Variants in SLC27A1 observed in about 807,000 individuals in gnomAD.
The protein encoded by SLC27A1 is solute carrier family 27 member 1.
Under a neutral mutation model 62.2 loss-of-function variants are expected in SLC27A1, and 61 were observed. The observed-to-expected ratio is 0.98, with a 90% CI of 0.80 to 1.21. SLC27A1 has a LOEUF of 1.21. SLC27A1 is among the 50% of genes most tolerant of loss of function. The pLI, the probability that SLC27A1 is intolerant of heterozygous loss-of-function variation, is 0.00. For missense variants in SLC27A1, 903 were observed against 932.1 expected, an observed-to-expected ratio of 0.97 and a Z score of 0.41; for synonymous variants, 435 against 408.6, an observed-to-expected ratio of 1.06 and a Z score of -0.78.
At chr19:17,481,750 A>G (rs2075180800) in intron 1 of SLC27A1, among the ~76,000 whole-genome samples, 1 of 151,802 alleles carries the variant, frequency 6.6e-6, no homozygotes, top group Non-Finnish European at 1.5e-5. Flanking sequence ...CAATCCTCCC[A>G]CCTCAGCCTT....
At chr19:17,497,218 C>G (rs778030425) in intron 6 of SLC27A1, 37 bp from the exon 7 acceptor site, 1 of 1,549,114 alleles carries the variant, frequency 6.5e-7, no homozygotes, top group South Asian at 1.2e-5. Context: ...CCACCGCCTG[C>G]CGGTCCCATC....
chr19:17,486,805 G>T lies in SLC27A1; in HGVS notation c.410G>T (p.Gly137Val), dbSNP rs1346054036. 2 of 1,597,574 alleles carry T rather than the reference G, an allele frequency of 1.3e-6. No homozygotes were observed. Among genetic ancestry groups the T allele is most frequent in the Non-Finnish European group, 8.5e-7 (1 of 1,173,860 alleles). ...PGDVVAIFLE[G>V]RPEFVGLWLG... ...GACGTGGTGGCCATCTTCCTGGAGGGCCGGCCGGAGTTCGTGGGGCTGTGG... is the reference window on the plus strand; with the variant it reads ...GACGTGGTGGCCATCTTCCTGGAGGTCCGGCCGGAGTTCGTGGGGCTGTGG... Residue 137 changes from glycine to valine, a missense_variant, in exon 2 of 12, where the codon GGC becomes GTC. Coordinates refer to ENST00000252595, the MANE Select transcript of SLC27A1 (RefSeq NM_198580.3). This position sits in a 1 kb window ranked among gnomAD's most constrained non-coding sequence, Gnocchi z 6.6.
chr19:17,489,498 T>TG (rs1555745367), intron 6 of SLC27A1, among the ~76,000 whole-genome samples: 1 of 9,844 alleles, frequency 1.0e-4, no homozygotes, highest in Non-Finnish European at 8.1e-4. Context: ...ATCCTATAAC[T>TG]TTGGAGGGTG....
At chr19:17,472,790 G>A (rs563892630) in intron 1 of SLC27A1, among the ~76,000 whole-genome samples, 16 of 152,154 alleles carry the variant, frequency 1.1e-4, no homozygotes, top group Admixed American at 2.0e-4. Flanking sequence ...GCCTCCTAAA[G>A]TGCTGGGATT....
At position 17,472,394 on chromosome 19, in the gene SLC27A1, C is replaced by CA. The variant is rs1241729442; in HGVS notation, c.167+1704dup. 9.3e-3 allele frequency among the ~76,000 whole-genome samples: 612 copies of CA among 65,634 alleles called. 1 individual carries two copies. The highest frequency in any genetic ancestry group is 0.025 in the South Asian group (62 of 2,446). The allele number at this position is 65,634 out of a possible 152,430, so 43.1% of individuals were successfully genotyped here. A position where few individuals can be genotyped will look rare whatever the true frequency, so the allele number is the denominator to read the frequency against. ...TGGGCGACAGAGTGAGACTCCGTCT[C>CA]AAAAAAAAAAAAAAAAATAGAATTA... is the stretch of plus-strand genomic sequence containing the variant. On this transcript the variant is annotated intron_variant, in intron 1 of 11. Coordinates refer to ENST00000252595, the MANE Select transcript of SLC27A1 (RefSeq NM_198580.3).
chr19:17,489,188 C>T, intron 6 of SLC27A1, 71 bp downstream of exon 6: 1 of 1,285,776 alleles, frequency 7.8e-7, no homozygotes, highest in Non-Finnish European at 1.1e-6. Flanking sequence ...CAATCAGGCC[C>T]CACCTCCTCC....
At position 17,497,479 on chromosome 19, in the gene SLC27A1, G is replaced by C; in HGVS notation, c.1206+15G>C. 6.3e-7 allele frequency: 1 copy of C among 1,596,720 alleles called. No individual in the cohort carries two copies. The highest frequency in any genetic ancestry group is 8.5e-7 in the Non-Finnish European group (1 of 1,173,346). On this transcript the variant is annotated intron_variant, in intron 7 of 11. Coordinates refer to ENST00000252595, the MANE Select transcript of SLC27A1 (RefSeq NM_198580.3). Reference sequence around the variant, plus strand: ...TGGACGGCAAGGTGCACACCGGCAGGGCCCCGGGGCAGGTCTCGGAGTTCA... The same window carrying C: ...TGGACGGCAAGGTGCACACCGGCAGCGCCCCGGGGCAGGTCTCGGAGTTCA...
rs372279177 is a variant in SLC27A1, at chr19:17,489,117, G to T, written c.996G>T (p.Thr332=). The T allele has an allele frequency of 8.7e-6, 14 of 1,613,614 alleles. No individual in the cohort carries two copies. Among genetic ancestry groups the T allele is most frequent in the Non-Finnish European group, 1.2e-5 (14 of 1,179,774 alleles). ...ACGACTGCATCAAGTACAACTGCAC[G>T]GTCAGGCCCTGCCCTGTTCTGTCTA... is the stretch of plus-strand genomic sequence containing the variant. ...FWDDCIKYNC[T]VVQYIGEICR... The change falls in exon 6 of 12, where the codon ACG becomes ACT. Residue 332 remains threonine, a splice_region_variant and synonymous_variant. Coordinates refer to ENST00000252595, the MANE Select transcript of SLC27A1 (RefSeq NM_198580.3).
rs1280052740 is a variant in SLC27A1, at chr19:17,504,516, A to G, written c.1845A>G (p.Ser615=). Residue 615 remains serine, a synonymous_variant, in exon 12 of 12, where the codon TCA becomes TCG. Coordinates refer to ENST00000252595, the MANE Select transcript of SLC27A1 (RefSeq NM_198580.3). ...QREGFDPRQT[S]DRLFFLDLKQ... Reference sequence around the variant, plus strand: ...AGGGCTTTGACCCACGCCAGACCTCAGACCGGCTCTTCTTCCTGGACCTGA... The same window carrying G: ...AGGGCTTTGACCCACGCCAGACCTCGGACCGGCTCTTCTTCCTGGACCTGA... 2 of 1,614,194 alleles carry G rather than the reference A, an allele frequency of 1.2e-6. No homozygotes were observed. Among genetic ancestry groups the G allele is most frequent in the Admixed American group, 1.7e-5 (1 of 60,008 alleles).
chr19:17,470,808 A>G lies in SLC27A1; in HGVS notation c.167+101A>G, dbSNP rs1194408916. On this transcript the variant is annotated intron_variant, in intron 1 of 11. Transcript: ENST00000252595. Reference sequence around the variant, plus strand: ...TGCGGGGACGGCTTGGAGGGTCCGGAGAGCTGAGGGTGCTTTGTAGGTTGG... The same window carrying G: ...TGCGGGGACGGCTTGGAGGGTCCGGGGAGCTGAGGGTGCTTTGTAGGTTGG... The G allele has an allele frequency of 1.6e-5, 11 of 684,210 alleles. No homozygotes were observed. The East Asian group carries it at 5.9e-4, about 37-fold the overall frequency. The allele number at this position is 684,210 out of a possible 1,614,324, so 42.4% of individuals were successfully genotyped here.
chr19:17,477,888 T>C (rs909778059), intron 1 of SLC27A1, among the ~76,000 whole-genome samples: 2 of 151,838 alleles, frequency 1.3e-5, no homozygotes, highest in African/African-American at 4.8e-5. Flanking sequence ...TAAAAAATTA[T>C]TTTAACATAG....
chr19:17,496,202 A>G (rs959296833), intron 6 of SLC27A1: 3 of 152,108 alleles, frequency 2.0e-5, no homozygotes, highest in Admixed American at 6.6e-5. Flanking sequence ...TGGGGCCGGG[A>G]TGCCTGGGTT....
chr19:17,500,201 G>A, intron 7 of SLC27A1, 77 bp from the exon 8 acceptor site: 2 of 1,567,206 alleles, frequency 1.3e-6, no homozygotes, highest in Non-Finnish European at 1.7e-6. Flanking sequence ...CAAGCCCCAG[G>A]GCAAGGCAGG....
At position 17,505,277 on chromosome 19, in the gene SLC27A1, G is replaced by A. The variant is rs1266897626; in HGVS notation, c.*665G>A. ...CTTGTGTAGGGTCCAGCTGCTTTTGGGGACTGCAGGAATCATCTCCCCTGG... is the reference window on the plus strand; with the variant it reads ...CTTGTGTAGGGTCCAGCTGCTTTTGAGGACTGCAGGAATCATCTCCCCTGG... On this transcript the variant is annotated 3_prime_UTR_variant, in exon 12 of 12. Coordinates refer to ENST00000252595, the MANE Select transcript of SLC27A1 (RefSeq NM_198580.3). The A allele has an allele frequency of 4.8e-6, 1 of 207,762 alleles. No homozygotes were observed. Among genetic ancestry groups the A allele is most frequent in the Non-Finnish European group, 9.9e-6 (1 of 101,058 alleles). 12.9% of individuals were successfully genotyped at this position (207,762 alleles called of 1,614,324 possible). A position where few individuals can be genotyped will look rare whatever the true frequency, so the allele number is the denominator to read the frequency against.
intron 11 of SLC27A1, among the ~76,000 whole-genome samples, chr19:17,502,344 GTTTTTTTTT>G (rs1231886797): frequency 6.4e-4 from 10 of 15,696 alleles, no homozygotes; most frequent in Non-Finnish European, 1.3e-3. Flanking sequence ...TGTTTTTTTT[GTTTTTTTTT>G]TTTTTTTTTT....
chr19:17,485,885 G>T (rs988865049), intron 1 of SLC27A1, among the ~76,000 whole-genome samples: 4 of 152,144 alleles, frequency 2.6e-5, no homozygotes, highest in Admixed American at 6.5e-5. Flanking sequence ...TGGCCCGCCT[G>T]CCTCCACACA....
chr19:17,471,255 G>C (rs1479401295), intron 1 of SLC27A1, among the ~76,000 whole-genome samples: 1 of 152,008 alleles, frequency 6.6e-6, no homozygotes, highest in Non-Finnish European at 1.5e-5. Context: ...AGGACTTCCC[G>C]GGTTTCTGAA....
rs762904531 is a variant in SLC27A1 at position 17,486,806 on chromosome 19, C to T, written c.411C>T (p.Gly137=). The change falls in exon 2 of 12, where the codon GGC becomes GGT. Residue 137 remains glycine (G), a synonymous_variant. Coordinates refer to ENST00000252595, the MANE Select transcript of SLC27A1 (RefSeq NM_198580.3). The surrounding 1 kb of genome is among the most constrained non-coding windows in gnomAD (Gnocchi z 6.6). Reference sequence around the variant, plus strand: ...ACGTGGTGGCCATCTTCCTGGAGGGCCGGCCGGAGTTCGTGGGGCTGTGGC... The same window carrying T: ...ACGTGGTGGCCATCTTCCTGGAGGGTCGGCCGGAGTTCGTGGGGCTGTGGC... ...PGDVVAIFLE[G]RPEFVGLWLG... 5.6e-6 allele frequency: 9 copies of T among 1,597,240 alleles called. No homozygotes were observed. Among genetic ancestry groups the T allele is most frequent in the African/African-American group, 5.4e-5 (4 of 74,728 alleles).
chr19:17,470,523 T>C (rs779950642), upstream of SLC27A1: 1 of 1,532,784 alleles, frequency 6.5e-7, no homozygotes, highest in Non-Finnish European at 8.7e-7. Flanking sequence ...CGGCCTCAGC[T>C]CTCTCTGCTT....
Sources: allele counts gnomAD v4.1 joint callset (sites outside exome capture counted in the v4.1 genomes callset), GRCh38; gene constraint gnomAD v4.1.1; non-coding constraint Gnocchi (gnomAD v3.1); transcripts MANE v1.5; gene names NCBI Gene and HGNC (gene_info 2026-07-23, HGNC 2026-07-21).